Variants in TCF12 observed in about 807,000 individuals in gnomAD.
The protein encoded by TCF12 is transcription factor 12.
Under a neutral mutation model 86.0 loss-of-function variants are expected in TCF12, and 45 were observed. That is an observed-to-expected ratio of 0.52 (90% CI 0.41 to 0.67). The LOEUF (loss-of-function observed/expected upper bound fraction) is 0.67. TCF12 is among the 30% of genes least tolerant of loss of function. TCF12 has a pLI of 0.00. For synonymous variants in TCF12, 330 were observed against 299.6 expected (o/e 1.10, Z -1.05); for missense variants, 881 against 859.9 (o/e 1.02, Z -0.31).
At chr15:57,177,820 G>A (rs1249663375) in intron 6 of TCF12, among the ~76,000 whole-genome samples, 1 of 151,922 alleles carries the variant, frequency 6.6e-6, no homozygotes, top group African/African-American at 2.4e-5. Flanking sequence ...TCCCAGGTTT[G>A]GGTAATTCAC....
At chr15:57,061,290 A>G (rs1262265139) in intron 3 of TCF12, among the ~76,000 whole-genome samples, 1 of 152,150 alleles carries the variant, frequency 6.6e-6, no homozygotes, top group Non-Finnish European at 1.5e-5. Context: ...GTTTTTACAA[A>G]TGTATTTAAA....
chr15:57,162,061 C>T (rs376733861), intron 5 of TCF12, among the ~76,000 whole-genome samples: 1 of 152,150 alleles, frequency 6.6e-6, no homozygotes. Context: ...CCCCGCAACA[C>T]AAGAGTGTAG....
intron 3 of TCF12, among the ~76,000 whole-genome samples, chr15:57,047,629 A>G (rs1378984518): frequency 1.3e-5 from 2 of 152,190 alleles, no homozygotes; most frequent in African/African-American, 4.8e-5. Flanking sequence ...CTTCTTCTCT[A>G]TTTGGATTGT....
At chr15:56,939,854 A>G (rs1046421187) in intron 3 of TCF12, among the ~76,000 whole-genome samples, 7 of 152,208 alleles carry the variant, frequency 4.6e-5, no homozygotes, top group Non-Finnish European at 1.0e-4. Context: ...AGGATGAGCA[A>G]GAAGTGGCCA....
intron 3 of TCF12, among the ~76,000 whole-genome samples, chr15:56,959,579 A>G (rs1264222751): frequency 6.6e-6 from 1 of 152,240 alleles, no homozygotes; most frequent in African/African-American, 2.4e-5. Flanking sequence ...CAGTTTTTGT[A>G]GGAGAAACAC....
At chr15:57,222,325 T>G (rs979649833) in intron 8 of TCF12, among the ~76,000 whole-genome samples, 3 of 151,794 alleles carry the variant, frequency 2.0e-5, no homozygotes, top group African/African-American at 2.4e-5. Context: ...ACCAAAGAAC[T>G]TTTTTATATT....
intron 19 of TCF12, among the ~76,000 whole-genome samples, chr15:57,276,219 G>A (rs994723237): frequency 6.6e-6 from 1 of 152,172 alleles, no homozygotes; most frequent in Non-Finnish European, 1.5e-5. Flanking sequence ...TTGGACAGTG[G>A]TTTTGAAATC....
chr15:56,950,844 C>T (rs984953588), intron 3 of TCF12, among the ~76,000 whole-genome samples: 1 of 145,112 alleles, frequency 6.9e-6, no homozygotes, highest in Non-Finnish European at 1.5e-5. Context: ...ACAACCTCTT[C>T]CTCCCAGGTT....
At chr15:57,068,641 C>A (rs545960898) in intron 4 of TCF12, among the ~76,000 whole-genome samples, 15 of 151,980 alleles carry the variant, frequency 9.9e-5, no homozygotes, top group Non-Finnish European at 2.2e-4. Flanking sequence ...TAATCAAATT[C>A]GGGAACAATC....
At chr15:57,270,321 T>C (rs2061075222) in intron 18 of TCF12, among the ~76,000 whole-genome samples, 1 of 152,226 alleles carries the variant, frequency 6.6e-6, no homozygotes, top group South Asian at 2.1e-4. Context: ...CTTCAATCAC[T>C]GATATCCTTT....
chr15:57,264,352 C>G (rs1445047409), intron 18 of TCF12, among the ~76,000 whole-genome samples: 1 of 151,434 alleles, frequency 6.6e-6, no homozygotes, highest in African/African-American at 2.4e-5. Context: ...AGGCACCCCC[C>G]ACCACTCCAG....
intron 4 of TCF12, among the ~76,000 whole-genome samples, chr15:57,069,064 C>G (rs2150988343): frequency 6.6e-6 from 1 of 152,230 alleles, no homozygotes; most frequent in Admixed American, 6.5e-5. Context: ...ATCTTGGTTT[C>G]TCTGCCTTTT....
At position 56,981,115 on chromosome 15, in the gene TCF12, A is replaced by G. The variant is rs2140881352; in HGVS notation, c.148+60017A>G. ...TAGTCATGTGGGGGACACTACATTT[A>G]TCAGAGGCTACTGAAATAATAATCT... is the stretch of plus-strand genomic sequence containing the variant. On this transcript the variant is annotated intron_variant, in intron 3 of 20. Coordinates refer to ENST00000333725, the MANE Select transcript of TCF12 (RefSeq NM_207037.2). Among the ~76,000 whole-genome samples the G allele has an allele frequency of 1.3e-5, 2 of 152,378 alleles. 1 individual carries two copies. The highest frequency in any genetic ancestry group is 4.1e-4 in the South Asian group (2 of 4,832).
rs1349085259 is a variant in TCF12, at chr15:57,233,791, G to T, written c.971-252G>T. Among the ~76,000 whole-genome samples, 3 of 152,066 alleles carry T rather than the reference G, an allele frequency of 2.0e-5. No homozygotes were observed. In the East Asian group the frequency reaches 5.8e-4, roughly 29 times the overall value. On this transcript the variant is annotated intron_variant, in intron 11 of 20. Transcript: ENST00000333725. ...CGCGCCTGGCCTTGGCCCCTCTTTC[G>T]ATATATTTTTTAGTGTTGAATTTAA...
intron 8 of TCF12, among the ~76,000 whole-genome samples, chr15:57,207,540 G>T (rs936932561): frequency 8.6e-5 from 13 of 151,972 alleles, no homozygotes; most frequent in African/African-American, 2.9e-4. Flanking sequence ...GCATGGTGGG[G>T]CATGCCTGTA....
chr15:56,967,308 A>G (rs1461801626), intron 3 of TCF12, among the ~76,000 whole-genome samples: 1 of 152,138 alleles, frequency 6.6e-6, no homozygotes, highest in African/African-American at 2.4e-5. Flanking sequence ...ATACAAAGAA[A>G]AAAAAAAACG....
intron 3 of TCF12, among the ~76,000 whole-genome samples, chr15:56,938,400 C>G (rs1369932838): frequency 2.0e-5 from 3 of 151,844 alleles, no homozygotes; most frequent in African/African-American, 7.3e-5. Context: ...ACCTTGTGAT[C>G]CCCCTGCCTC....
chr15:57,275,573 C>G (rs1022785491), intron 19 of TCF12, among the ~76,000 whole-genome samples: 10 of 151,992 alleles, frequency 6.6e-5, no homozygotes, highest in Non-Finnish European at 4.4e-5. Context: ...TAGCCACTGT[C>G]TTTTCCTCGA....
At chr15:56,940,800 G>T (rs1287756452) in intron 3 of TCF12, among the ~76,000 whole-genome samples, 3 of 147,166 alleles carry the variant, frequency 2.0e-5, no homozygotes, top group African/African-American at 5.0e-5. Flanking sequence ...CTGTTGCCCA[G>T]GCTGGGGTAC....
Sources: gnomAD v4.1 joint callset for allele counts (sites outside exome capture counted in the v4.1 genomes callset) on GRCh38, gnomAD v4.1.1 for gene constraint, MANE v1.5 for transcripts, NCBI Gene and HGNC (gene_info 2026-07-23, HGNC 2026-07-21) for gene names.